Variants in DPP4 observed in about 807,000 individuals in gnomAD.
The protein encoded by DPP4 is ADCP-2.
Under a neutral mutation model 122.4 loss-of-function variants are expected in DPP4, and 93 were observed. The ratio of observed to expected loss-of-function variants is 0.76; its 90% CI spans 0.64 to 0.90. The LOEUF is 0.90. Ranked by LOEUF, DPP4 falls within the 40% of genes least tolerant of loss-of-function variation. The pLI is 0.00. For missense variants in DPP4, 914 were observed against 907.3 expected (o/e 1.01, Z -0.09); for synonymous variants, 321 against 302.9 (o/e 1.06, Z -0.62).
chr2:162,018,594 A>T, intron 16 of DPP4, 135 bp downstream of exon 16: 1 of 1,149,198 alleles, frequency 8.7e-7, no homozygotes, highest in Non-Finnish European at 1.2e-6. Flanking sequence ...GTTTATGCTC[A>T]CTACTTAAAT....
intron 20 of DPP4, among the ~76,000 whole-genome samples, chr2:162,010,784 T>A (rs1682675042): frequency 6.6e-6 from 1 of 152,172 alleles, no homozygotes; most frequent in South Asian, 2.1e-4. Context: ...AAAAGAGAAT[T>A]TCTTTCCTCA....
intron 19 of DPP4, among the ~76,000 whole-genome samples, chr2:162,014,055 G>A (rs573314189): frequency 1.2e-4 from 18 of 152,272 alleles, no homozygotes; most frequent in Non-Finnish European, 2.5e-4. Flanking sequence ...GAACTGTCAC[G>A]ACTGTTAATG....
chr2:162,039,196 A>C lies in DPP4; in HGVS notation c.367-12T>G, dbSNP rs773393485. On this transcript the variant is annotated splice_polypyrimidine_tract_variant and intron_variant, in intron 5 of 25. Transcript: ENST00000360534. Reference sequence around the variant, plus strand: ...GAATGCCTCCATTGCTATGAAAGAAAACAGACATTTCAGGCTTCTGTGATA... The same window carrying C: ...GAATGCCTCCATTGCTATGAAAGAACACAGACATTTCAGGCTTCTGTGATA... The C allele has an allele frequency of 1.9e-6, 3 of 1,611,770 alleles. No individual in the cohort carries two copies. The East Asian group carries it at 6.7e-5, about 36-fold the overall frequency.
In DPP4 at chr2:162,053,828, C is replaced by T. The variant is rs148334237; in HGVS notation, c.95-6327G>A. Among the ~76,000 whole-genome samples, 402 of 152,362 alleles carry T rather than the reference C, an allele frequency of 2.6e-3. 2 individuals are homozygous for T. The highest frequency in any genetic ancestry group is 9.2e-3 in the African/African-American group (384 of 41,588). The stretch of plus-strand genomic sequence containing the variant: ...TCAAAAGATTCCTCAGAAAGGCTAG[C>T]GGCCCATGAAGAGAACTGCCACAGA... On this transcript the variant is annotated intron_variant, in intron 2 of 25. Transcript: ENST00000360534.
At chr2:162,026,877 C>T (rs546360863) in intron 10 of DPP4, among the ~76,000 whole-genome samples, 18 of 152,258 alleles carry the variant, frequency 1.2e-4, no homozygotes, top group Admixed American at 9.2e-4. Context: ...TTAGACCAGA[C>T]GTTGGAAAAC....
intron 5 of DPP4, among the ~76,000 whole-genome samples, chr2:162,043,004 TTC>T (rs1684039152): frequency 6.6e-6 from 1 of 152,102 alleles, no homozygotes; most frequent in Admixed American, 6.5e-5. Context: ...ATGGAGAAGC[TTC>T]CATGAGGAAG....
At chr2:162,069,931 T>C (rs759313658) in intron 2 of DPP4, among the ~76,000 whole-genome samples, 6 of 152,230 alleles carry the variant, frequency 3.9e-5, no homozygotes, top group Non-Finnish European at 8.8e-5. Context: ...GAGATATACT[T>C]CTTTTCCATA....
chr2:162,008,509 G>T, intron 22 of DPP4, 53 bp downstream of exon 22: 3 of 1,439,362 alleles, frequency 2.1e-6, no homozygotes, highest in Admixed American at 3.4e-5. Context: ...TTTGTTACTG[G>T]CATTTTGAGG....
In DPP4 at chr2:161,993,206, C is replaced by T. The variant is rs897046082; in HGVS notation, c.*77G>A. 8.9e-7 allele frequency: 1 copy of T among 1,129,220 alleles called. No homozygotes were observed. The highest frequency in any genetic ancestry group is 1.5e-5 in the African/African-American group (1 of 64,958). 70.0% of individuals were successfully genotyped at this position (1,129,220 alleles called of 1,614,324 possible). Reference sequence around the variant, plus strand: ...TGTGTATTTTAAAGATCATCATCATCTTGACAGTGCAGTTTTGAGATAATG... The same window carrying T: ...TGTGTATTTTAAAGATCATCATCATTTTGACAGTGCAGTTTTGAGATAATG... On this transcript the variant is annotated 3_prime_UTR_variant, in exon 26 of 26. Coordinates refer to ENST00000360534, the MANE Select transcript of DPP4 (RefSeq NM_001935.4).
At chr2:162,068,842 G>A (rs527420798) in intron 2 of DPP4, among the ~76,000 whole-genome samples, 26 of 152,226 alleles carry the variant, frequency 1.7e-4, no homozygotes, top group African/African-American at 5.1e-4. Context: ...GAATGCTTAC[G>A]ACACAGAGAT....
At chr2:162,028,283 A>G (rs1322942356) in intron 10 of DPP4, among the ~76,000 whole-genome samples, 4 of 151,980 alleles carry the variant, frequency 2.6e-5, no homozygotes, top group Admixed American at 2.6e-4. Context: ...AACTAATTGA[A>G]CCGGGCAGAC....
intron 9 of DPP4, among the ~76,000 whole-genome samples, chr2:162,033,862 G>GTATATATATATATATATATATATATA (rs138320647): frequency 9.6e-6 from 1 of 104,038 alleles, no homozygotes; most frequent in Non-Finnish European, 1.9e-5. Flanking sequence ...CAGAATATGT[G>GTATATATATATATATATATATATATA]TATATATATA....
Position 162,017,505 on chromosome 2 carries a change from G to A in DPP4, c.1421-350C>T, listed in dbSNP as rs560726747. The A allele has an allele frequency of 2.7e-4, 54 of 198,812 alleles. 1 individual carries two copies. The Admixed American group carries it at 3.0e-3, about 11-fold the overall frequency. The allele number at this position is 198,812 out of a possible 1,614,324, so 12.3% of individuals were successfully genotyped here. A position where few individuals can be genotyped will look rare whatever the true frequency, so the allele number is the denominator to read the frequency against. On this transcript the variant is annotated intron_variant, in intron 16 of 25. Coordinates refer to ENST00000360534, the MANE Select transcript of DPP4 (RefSeq NM_001935.4). ...TGACATCCTTCCCCACTCTAAATCC[G>A]TGATCCCACAGGGTTTTTCAGGCTC...
intron 3 of DPP4, 80 bp from the exon 4 acceptor site, chr2:162,047,086 T>C: frequency 1.3e-6 from 1 of 761,170 alleles, no homozygotes. Flanking sequence ...AGAATACAGT[T>C]TAAGCTCACA....
At chr2:162,063,583 G>T (rs1684854361) in intron 2 of DPP4, among the ~76,000 whole-genome samples, 1 of 151,852 alleles carries the variant, frequency 6.6e-6, no homozygotes, top group African/African-American at 2.4e-5. Flanking sequence ...GGAGAAGAAG[G>T]ATGACTAATT....
intron 19 of DPP4, 129 bp downstream of exon 19, chr2:162,014,267 G>C: frequency 1.4e-6 from 1 of 735,102 alleles, no homozygotes; most frequent in African/African-American, 1.8e-5. Flanking sequence ...ACAGTGAAAG[G>C]AGGAAATAGT....
At chr2:162,069,767 C>T (rs981237493) in intron 2 of DPP4, among the ~76,000 whole-genome samples, 11 of 152,180 alleles carry the variant, frequency 7.2e-5, no homozygotes, top group Admixed American at 1.3e-4. Context: ...AGGCAAACCT[C>T]ATAGATGCTA....
intron 12 of DPP4, among the ~76,000 whole-genome samples, chr2:162,022,243 A>C (rs544137992): frequency 3.9e-5 from 6 of 152,316 alleles, no homozygotes; most frequent in Non-Finnish European, 5.9e-5. Context: ...TTCCTGGATA[A>C]AGCTCTGCAT....
chr2:162,008,497 G>T (rs552025572), intron 22 of DPP4, 65 bp downstream of exon 22: 5 of 1,337,198 alleles, frequency 3.7e-6, no homozygotes, highest in Non-Finnish European at 5.4e-6. Flanking sequence ...GAAAGGAATG[G>T]CTTTGTTACT....
Sources: gnomAD v4.1 joint callset for allele counts (sites outside exome capture counted in the v4.1 genomes callset) on GRCh38, gnomAD v4.1.1 for gene constraint, MANE v1.5 for transcripts, NCBI Gene and HGNC (gene_info 2026-07-23, HGNC 2026-07-21) for gene names.